The following POT1 variants were observed in gnomAD, a reference collection of about 807,000 sequenced individuals.
The protein encoded by POT1 is protection of telomeres protein 1.
POT1 carries 47 observed loss-of-function variants against 78.5 expected under a neutral mutation model. The observed-to-expected ratio is 0.60, with a 90% CI of 0.47 to 0.76. The LOEUF (loss-of-function observed/expected upper bound fraction) is 0.76. POT1 is among the 30% of genes least tolerant of loss of function. The pLI is 0.00. For synonymous variants in POT1, 259 were observed against 260.7 expected (o/e 0.99, Z 0.06); for missense variants, 646 against 749.9 (o/e 0.86, Z 1.62).
At position 124,823,786 on chromosome 7, in the gene POT1, C is replaced by T. The variant is rs1410406169; in HGVS notation, c.*176G>A. ...ACAGAAAGCAAAACAAAATCCATAG[C>T]CATTATTTACCTTGCACCCAGTAAA... On this transcript the variant is annotated 3_prime_UTR_variant, in exon 19 of 19. Coordinates refer to ENST00000357628, the MANE Select transcript of POT1 (RefSeq NM_015450.3). 3.6e-6 allele frequency: 2 copies of T among 552,136 alleles called. No homozygotes were observed. The highest frequency in any genetic ancestry group is 6.5e-5 in the East Asian group (2 of 30,826). The allele number at this position is 552,136 out of a possible 1,614,324, so 34.2% of individuals were successfully genotyped here.
At chr7:124,888,529 T>A (rs958818701) in intron 6 of POT1, among the ~76,000 whole-genome samples, 1 of 152,042 alleles carries the variant, frequency 6.6e-6, no homozygotes, top group Non-Finnish European at 1.5e-5. Context: ...AGGGAATACA[T>A]TGAATCTGAG....
intron 3 of POT1, among the ~76,000 whole-genome samples, chr7:124,911,216 C>T (rs1420593806): frequency 1.3e-5 from 2 of 152,098 alleles, no homozygotes; most frequent in Non-Finnish European, 2.9e-5. Flanking sequence ...GTAATGACAG[C>T]AGACCTTTAC....
chr7:124,846,673 T>C (rs917586368), intron 12 of POT1, among the ~76,000 whole-genome samples: 3 of 152,126 alleles, frequency 2.0e-5, no homozygotes, highest in African/African-American at 7.2e-5. Flanking sequence ...ATACATCATG[T>C]ATTTAATGTT....
intron 2 of POT1, among the ~76,000 whole-genome samples, chr7:124,918,531 T>C (rs544096833): frequency 2.6e-5 from 4 of 152,188 alleles, no homozygotes; most frequent in Non-Finnish European, 5.9e-5. Context: ...GATCATGCTA[T>C]ACATTATGTC....
intron 15 of POT1, among the ~76,000 whole-genome samples, chr7:124,832,713 C>CG (rs531274116): frequency 1.5e-4 from 23 of 149,430 alleles, no homozygotes; most frequent in Non-Finnish European, 2.8e-4. Context: ...AGCTACTCGG[C>CG]GGGGGGGTTG....
intron 6 of POT1, among the ~76,000 whole-genome samples, chr7:124,887,653 T>G (rs2116617317): frequency 6.6e-6 from 1 of 152,204 alleles, no homozygotes; most frequent in African/African-American, 2.4e-5. Flanking sequence ...AACATCCATG[T>G]TTCACTATTT....
intron 6 of POT1, among the ~76,000 whole-genome samples, chr7:124,881,026 A>C (rs1034326352): frequency 6.6e-6 from 1 of 152,052 alleles, no homozygotes; most frequent in Non-Finnish European, 1.5e-5. Context: ...TCTATAAAAT[A>C]ATGAGCAGTT....
chr7:124,846,581 C>T (rs1165934446), intron 12 of POT1, among the ~76,000 whole-genome samples: 2 of 151,896 alleles, frequency 1.3e-5, no homozygotes, highest in Non-Finnish European at 2.9e-5. Flanking sequence ...CAGGATAACT[C>T]TTCATGTAAT....
intron 2 of POT1, among the ~76,000 whole-genome samples, chr7:124,917,415 G>A (rs1280208010): frequency 6.6e-6 from 1 of 152,130 alleles, no homozygotes; most frequent in African/African-American, 2.4e-5. Flanking sequence ...CTAGTGCATT[G>A]AAGCACCAAA....
At chr7:124,846,377 T>C (rs1247771209) in intron 12 of POT1, among the ~76,000 whole-genome samples, 1 of 152,184 alleles carries the variant, frequency 6.6e-6, no homozygotes, top group African/African-American at 2.4e-5. Flanking sequence ...ATTTGAGAAA[T>C]TAAAATTTTT....
intron 7 of POT1, among the ~76,000 whole-genome samples, chr7:124,865,520 T>C (rs1367181848): frequency 6.6e-6 from 1 of 152,028 alleles, no homozygotes; most frequent in Non-Finnish European, 1.5e-5. Context: ...TCAATTTAAC[T>C]TATATCTGAT....
intron 7 of POT1, among the ~76,000 whole-genome samples, chr7:124,864,253 C>T (rs1795668598): frequency 6.6e-6 from 1 of 152,052 alleles, no homozygotes; most frequent in African/African-American, 2.4e-5. Context: ...ACTTCATTTC[C>T]CTTATGTTTA....
At chr7:124,873,885 CAG>C (rs60536406) in intron 6 of POT1, among the ~76,000 whole-genome samples, 6,869 of 152,060 alleles carry the variant, frequency 0.045, 382 homozygotes, top group African/African-American at 0.13. Flanking sequence ...ATAAAATAAA[CAG>C]AGGAGGCCAA....
At chr7:124,826,690 G>A (rs1486462419) in intron 17 of POT1, among the ~76,000 whole-genome samples, 1 of 152,126 alleles carries the variant, frequency 6.6e-6, no homozygotes, top group African/African-American at 2.4e-5. Context: ...GGCCAAGATG[G>A]TGAAACCCTG....
At chr7:124,883,714 G>A (rs1395534376) in intron 6 of POT1, among the ~76,000 whole-genome samples, 1 of 151,784 alleles carries the variant, frequency 6.6e-6, no homozygotes, top group Non-Finnish European at 1.5e-5. Flanking sequence ...ACGTGTATGT[G>A]TTGTATATTT....
At chr7:124,888,035 T>C (rs529344539) in intron 6 of POT1, among the ~76,000 whole-genome samples, 24 of 152,260 alleles carry the variant, frequency 1.6e-4, no homozygotes, top group African/African-American at 5.8e-4. Flanking sequence ...TATATATGTA[T>C]ATAAAATCAT....
rs546984399 is a variant in POT1 at position 124,928,082 on chromosome 7, G to A, written c.-227+733C>T. 2.6e-5 allele frequency among the ~76,000 whole-genome samples: 4 copies of A among 151,862 alleles called. No homozygotes were observed. The East Asian group carries it at 5.8e-4, about 22-fold the overall frequency. ...ATAATATACGTAAAAACTACCTAAC[G>A]CATGGAAAAAAATGCAATGAATGTT... On this transcript the variant is annotated intron_variant, in intron 2 of 18. Transcript: ENST00000357628.
At chr7:124,893,830 A>G (rs1450943069) in intron 5 of POT1, among the ~76,000 whole-genome samples, 4 of 151,566 alleles carry the variant, frequency 2.6e-5, no homozygotes, top group Non-Finnish European at 5.9e-5. Flanking sequence ...CCTTAAAGAC[A>G]GCGCAGGGAG....
Position 124,842,818 on chromosome 7 carries a change from T to A in POT1, c.1152A>T (p.Lys384Asn). The change falls in exon 13 of 19, where the codon AAA becomes AAT. Residue 384 changes from lysine (K) to asparagine (N), a missense_variant. Physicochemically the swap from Lys to Asn is moderately conservative, Grantham distance 94 (BLOSUM62 0). Transcript: ENST00000357628. ...TGGAAAATACTCACAGCAAATGACA[T>A]TTAGGGCAATGAAGTTTAACAGACT... Reference protein sequence around the residue: ...LFQSVKLHCPKCHLLQEVPHE... With the variant: ...LFQSVKLHCPNCHLLQEVPHE... The A allele has an allele frequency of 6.3e-7, 1 of 1,599,232 alleles. No homozygotes were observed. Among genetic ancestry groups the A allele is most frequent in the Non-Finnish European group, 8.5e-7 (1 of 1,176,366 alleles).
Sources: allele counts gnomAD v4.1 joint callset (sites outside exome capture counted in the v4.1 genomes callset), GRCh38; gene constraint gnomAD v4.1.1; transcripts MANE v1.5; gene names NCBI Gene and HGNC (gene_info 2026-07-23, HGNC 2026-07-21).